Variants in NELL1 observed in about 807,000 individuals in gnomAD.
The protein encoded by NELL1 is neural EGFL like 1, also known as protein kinase C-binding protein NELL1.
NELL1 carries 76 observed loss-of-function variants against 107.4 expected under a neutral mutation model. The observed-to-expected ratio is 0.71, with a 90% confidence interval of 0.59 to 0.86. The LOEUF (loss-of-function observed/expected upper bound fraction) is 0.86. Among genes scored for constraint, NELL1 ranks in the 40% least tolerant of loss-of-function variants. The pLI is 0.00. For missense variants in NELL1, 1,024 were observed against 1,005.5 expected (o/e 1.02, Z -0.25); for synonymous variants, 353 against 341.2 (o/e 1.03, Z -0.38).
chr11:20,928,592 G>A (rs186657775), intron 9 of NELL1, 113 bp downstream of exon 9: 150 of 813,942 alleles, frequency 1.8e-4, no homozygotes, highest in Non-Finnish European at 2.9e-4. Flanking sequence ...AACATTGGCA[G>A]TTGATGTAAC....
At position 21,370,934 on chromosome 11, in the gene NELL1, G is replaced by A. The variant is rs761801489; in HGVS notation, c.1631G>A (p.Ser544Asn). ...GTCTGTCCATCTGGATTCACAGGAA[G>A]CCACTGCGAGAAAGGTAATCTAGCT... The part of the protein sequence containing the change: ...KCVCPSGFTG[S>N]HCEKDIDECS... The change falls in exon 15 of 20, where the codon AGC becomes AAC. Residue 544 changes from serine (S) to asparagine (N), a missense_variant. Transcript: ENST00000357134. 8.7e-6 allele frequency: 14 copies of A among 1,610,862 alleles called. No individual in the cohort carries two copies. In the Admixed American group the frequency reaches 2.2e-4, roughly 25 times the overall value.
At chr11:20,977,240 C>G (rs1851655334) in intron 12 of NELL1, among the ~76,000 whole-genome samples, 1 of 151,150 alleles carries the variant, frequency 6.6e-6, no homozygotes, top group African/African-American at 2.4e-5. Context: ...AGTGACATGT[C>G]CAAGATTCAG....
At chr11:21,572,289 A>G (rs981878524) in intron 18 of NELL1, among the ~76,000 whole-genome samples, 3 of 151,828 alleles carry the variant, frequency 2.0e-5, no homozygotes, top group Non-Finnish European at 4.4e-5. Context: ...AATATTTCTC[A>G]GGAAAATTGA....
chr11:21,055,466 A>G (rs1042103926), intron 12 of NELL1, among the ~76,000 whole-genome samples: 1 of 152,128 alleles, frequency 6.6e-6, no homozygotes, highest in Non-Finnish European at 1.5e-5. Flanking sequence ...GTCAACTTCT[A>G]TATCCCTTAA....
At chr11:21,038,742 C>T (rs1054647675) in intron 12 of NELL1, among the ~76,000 whole-genome samples, 1 of 152,192 alleles carries the variant, frequency 6.6e-6, no homozygotes, top group Non-Finnish European at 1.5e-5. Flanking sequence ...ATTAGCTCAA[C>T]TCAACAGTGT....
chr11:20,817,155 G>T (rs1470625387), intron 3 of NELL1, among the ~76,000 whole-genome samples: 1 of 152,126 alleles, frequency 6.6e-6, no homozygotes, highest in East Asian at 1.9e-4. Context: ...TGACTTCTTA[G>T]AATGAGTTAG....
At chr11:21,516,027 G>A (rs560489951) in intron 15 of NELL1, among the ~76,000 whole-genome samples, 103 of 152,250 alleles carry the variant, frequency 6.8e-4, no homozygotes, top group Non-Finnish European at 1.2e-3. Flanking sequence ...TGAGATCCCC[G>A]AGGGCAGAAG....
chr11:20,873,533 A>G (rs1042107542), intron 4 of NELL1, among the ~76,000 whole-genome samples: 4 of 152,238 alleles, frequency 2.6e-5, no homozygotes, highest in African/African-American at 9.6e-5. Context: ...TTTACAAAGT[A>G]CTTTTACAGA....
chr11:21,495,601 C>A (rs1854956822), intron 15 of NELL1, among the ~76,000 whole-genome samples: 1 of 152,082 alleles, frequency 6.6e-6, no homozygotes, highest in Admixed American at 6.6e-5. Context: ...TGCACAGTGG[C>A]TGCATAATTT....
chr11:21,552,670 C>T (rs192209368), intron 16 of NELL1, among the ~76,000 whole-genome samples: 85 of 151,778 alleles, frequency 5.6e-4, no homozygotes, highest in Admixed American at 1.5e-3. Context: ...GCTATTTTAC[C>T]GAACCAGTTG....
At chr11:21,538,618 G>T (rs909159537) in intron 16 of NELL1, among the ~76,000 whole-genome samples, 2 of 152,134 alleles carry the variant, frequency 1.3e-5, no homozygotes, top group African/African-American at 4.8e-5. Flanking sequence ...ACAGTGATTT[G>T]TTGGCACTGT....
At chr11:21,494,408 C>T (rs1854920075) in intron 15 of NELL1, among the ~76,000 whole-genome samples, 1 of 151,944 alleles carries the variant, frequency 6.6e-6, no homozygotes, top group African/African-American at 2.4e-5. Flanking sequence ...ATTTCATCCC[C>T]TTTTGTCACT....
rs900034946 is a variant in NELL1, at chr11:21,250,240, G to A, written c.1549+20786G>A. Reference sequence around the variant, plus strand: ...AGATTCAGACAGGGATCTGTGTAGAGGAGTAATTTGCAGTTATTTAACATA... The same window carrying A: ...AGATTCAGACAGGGATCTGTGTAGAAGAGTAATTTGCAGTTATTTAACATA... On this transcript the variant is annotated intron_variant, in intron 14 of 19. Coordinates refer to ENST00000357134, the MANE Select transcript of NELL1 (RefSeq NM_006157.5). 5.3e-5 allele frequency among the ~76,000 whole-genome samples: 8 copies of A among 152,222 alleles called. No homozygotes were observed. In the East Asian group the frequency reaches 1.5e-3, roughly 29 times the overall value.
intron 2 of NELL1, among the ~76,000 whole-genome samples, chr11:20,692,811 G>T (rs1431545282): frequency 1.3e-5 from 2 of 152,262 alleles, no homozygotes; most frequent in East Asian, 1.9e-4. Flanking sequence ...TCCGCTTAGT[G>T]CAGAGCTGAG....
intron 2 of NELL1, among the ~76,000 whole-genome samples, chr11:20,689,820 C>G (rs1353219231): frequency 6.6e-6 from 1 of 151,516 alleles, no homozygotes; most frequent in Admixed American, 6.6e-5. Context: ...ATGGCTGGGT[C>G]AAATGGTATT....
intron 13 of NELL1, among the ~76,000 whole-genome samples, chr11:21,222,796 A>G (rs1857791547): frequency 6.6e-6 from 1 of 152,132 alleles, no homozygotes; most frequent in Admixed American, 6.5e-5. Flanking sequence ...CCCAGTGGTC[A>G]TTCAGGAACC....
chr11:21,064,162 A>G (rs1333111205), intron 12 of NELL1, among the ~76,000 whole-genome samples: 2 of 152,114 alleles, frequency 1.3e-5, no homozygotes, highest in African/African-American at 4.8e-5. Flanking sequence ...AGACAGTGGG[A>G]GAGGAGAGAA....
chr11:21,166,406 A>C (rs35975633), intron 13 of NELL1, among the ~76,000 whole-genome samples: 2 of 151,706 alleles, frequency 1.3e-5, no homozygotes, highest in Non-Finnish European at 2.9e-5. Context: ...CACATTTACA[A>C]ATTAATTTAA....
At chr11:21,303,391 T>C (rs1404695724) in intron 14 of NELL1, among the ~76,000 whole-genome samples, 1 of 151,996 alleles carries the variant, frequency 6.6e-6, no homozygotes, top group Non-Finnish European at 1.5e-5. Context: ...CCACTAATCA[T>C]CAGAGAAATG....
Sources: gnomAD v4.1 joint callset for allele counts (sites outside exome capture counted in the v4.1 genomes callset) on GRCh38, gnomAD v4.1.1 for gene constraint, MANE v1.5 for transcripts, NCBI Gene and HGNC (gene_info 2026-07-23, HGNC 2026-07-21) for gene names.